The following PWWP2A variants were observed in gnomAD, a reference collection of about 807,000 sequenced individuals.
PWWP2A encodes the protein PWWP domain-containing protein 2A.
PWWP2A carries 18 observed loss-of-function variants against 48.5 expected under a neutral mutation model. That is an observed-to-expected ratio of 0.37 (90% confidence interval 0.26 to 0.55). The LOEUF is 0.55. Ranked by LOEUF, PWWP2A falls within the 20% of genes least tolerant of loss-of-function variation. PWWP2A has a pLI of 0.81. For missense variants in PWWP2A, 867 were observed against 976.4 expected (o/e 0.89, Z 1.49); for synonymous variants, 396 against 387.7 (o/e 1.02, Z -0.25).
At chr5:160,116,561 T>C (rs751570828) in intron 1 of PWWP2A, 28 of 433,710 alleles carry the variant, frequency 6.5e-5, no homozygotes, top group Admixed American at 3.2e-4. Context: ...ACAAAAGAAA[T>C]TGCTGTTTCT....
the PWWP2A span, chr5:160,051,139 A>G: frequency 6.2e-7 from 1 of 1,608,878 alleles, no homozygotes; most frequent in South Asian, 1.1e-5. Flanking sequence ...AGATTACCTA[A>G]GCAAATTGAA....
exon 5 of PWWP2A, chr5:160,063,584 C>G (rs914984016): frequency 2.0e-5 from 3 of 152,238 alleles, no homozygotes; most frequent in African/African-American, 7.2e-5. Context: ...GTGAGAAAAG[C>G]TGCTAAGAAG....
the PWWP2A span, among the ~76,000 whole-genome samples, chr5:160,050,359 A>C: frequency 4.6e-5 from 7 of 152,086 alleles, no homozygotes. Flanking sequence ...AGGCAGGAGA[A>C]TCGCTTGAAC....
intron 1 of PWWP2A, among the ~76,000 whole-genome samples, chr5:160,105,420 C>G (rs1429058898): frequency 6.6e-6 from 1 of 151,572 alleles, no homozygotes. Flanking sequence ...CGCCTGTAGT[C>G]CCAGCTACTC....
chr5:160,097,702 TTTTTG>T (rs1056678632), intron 1 of PWWP2A, among the ~76,000 whole-genome samples: 5 of 87,638 alleles, frequency 5.7e-5, no homozygotes, highest in African/African-American at 2.5e-4. Context: ...AGAGGTTTTT[TTTTTG>T]GGGGGGGGGG....
the PWWP2A span, among the ~76,000 whole-genome samples, chr5:160,054,743 A>G: frequency 6.6e-6 from 1 of 152,330 alleles, no homozygotes; most frequent in East Asian, 1.9e-4. Context: ...TGAGGAACAT[A>G]AAGATTTGAA....
the PWWP2A span, among the ~76,000 whole-genome samples, chr5:160,050,415 C>T: frequency 6.6e-6 from 1 of 152,032 alleles, no homozygotes; most frequent in Non-Finnish European, 1.5e-5. Flanking sequence ...CCACTGCACT[C>T]CAGTCTGGGC....
downstream of PWWP2A, among the ~76,000 whole-genome samples, chr5:160,071,588 TCC>T (rs1753740095): frequency 6.6e-6 from 1 of 151,972 alleles, no homozygotes; most frequent in South Asian, 2.1e-4. Flanking sequence ...AGTCCAATAA[TCC>T]CCCAAGACCA....
At chr5:160,108,075 A>C (rs1262331612) in intron 1 of PWWP2A, among the ~76,000 whole-genome samples, 1 of 152,186 alleles carries the variant, frequency 6.6e-6, no homozygotes, top group African/African-American at 2.4e-5. Flanking sequence ...CATCTAGTGT[A>C]TAAAATATAT....
chr5:160,114,024 A>G (rs1335486165), intron 1 of PWWP2A, among the ~76,000 whole-genome samples: 1 of 152,240 alleles, frequency 6.6e-6, no homozygotes, highest in Non-Finnish European at 1.5e-5. Flanking sequence ...AAACTAAAGC[A>G]TGAGGTACAA....
chr5:160,117,596 G>T (rs1259161817), intron 1 of PWWP2A, among the ~76,000 whole-genome samples: 2 of 151,950 alleles, frequency 1.3e-5, no homozygotes, highest in Non-Finnish European at 2.9e-5. Context: ...GGCGGAGGTT[G>T]CAGTGAGACG....
At chr5:160,089,781 TACTCCC>T (rs1378096831), downstream of PWWP2A, 1 of 985,348 alleles carries the variant, frequency 1.0e-6, no homozygotes, top group Admixed American at 6.1e-5. Context: ...TAAGCCAGTT[TACTCCC>T]ACTCCAAGGG....
chr5:160,062,943 C>T (rs879217596), intron 5 of PWWP2A, among the ~76,000 whole-genome samples: 8 of 152,198 alleles, frequency 5.3e-5, no homozygotes, highest in Admixed American at 6.5e-5. Context: ...CCTCCCTCTA[C>T]GCCCATGTGC....
At chr5:160,073,143 T>C (rs983780890), downstream of PWWP2A, among the ~76,000 whole-genome samples, 1 of 152,098 alleles carries the variant, frequency 6.6e-6, no homozygotes, top group African/African-American at 2.4e-5. Context: ...GTGACTTTGC[T>C]GTCAAAGGTC....
At chr5:160,045,520 A>ACACACACACACTCTCTCTCT in the PWWP2A span, among the ~76,000 whole-genome samples, 2 of 54,884 alleles carry the variant, frequency 3.6e-5, no homozygotes, top group Admixed American at 2.3e-4. Context: ...ACACATACAC[A>ACACACACACACTCTCTCTCT]CTCTCTCTCT....
At chr5:160,109,979 T>A (rs1325581881) in intron 1 of PWWP2A, among the ~76,000 whole-genome samples, 1 of 150,964 alleles carries the variant, frequency 6.6e-6, no homozygotes, top group Non-Finnish European at 1.5e-5. Context: ...GGATCCTAAT[T>A]TGAAAACTGA....
Position 160,078,304 on chromosome 5 carries a change from C to CCTG in PWWP2A, c.1670-137_1670-136insCAG. On this transcript the variant is annotated intron_variant, in intron 3 of 3. Transcript: ENST00000456329. This position sits in a 1 kb window ranked among gnomAD's most constrained non-coding sequence, Gnocchi z 4.2. ...ATTTTTTCTTTTAAATCGGTTAAAC[C>CCTG]TGACCGATGTTGTTTTGAGAAAACA... 1.5e-6 allele frequency: 1 copy of CCTG among 671,782 alleles called. No individual in the cohort carries two copies. The highest frequency in any genetic ancestry group is 2.6e-6 in the Non-Finnish European group (1 of 383,154). The allele number at this position is 671,782 out of a possible 1,614,324, so 41.6% of individuals were successfully genotyped here.
downstream of PWWP2A, among the ~76,000 whole-genome samples, chr5:160,074,478 T>C (rs894973863): frequency 1.4e-5 from 2 of 147,260 alleles, no homozygotes; most frequent in African/African-American, 5.0e-5. Flanking sequence ...CCAGGCACAG[T>C]TGTTCACGCT....
intron 1 of PWWP2A, among the ~76,000 whole-genome samples, chr5:160,110,021 TTTTTTTTTTC>T (rs1254459098): frequency 1.4e-5 from 2 of 147,366 alleles, no homozygotes; most frequent in Non-Finnish European, 3.0e-5. Context: ...TGACAGTCCT[TTTTTTTTTTC>T]TTTTTTTGAG....
Sources: allele counts gnomAD v4.1 joint callset (sites outside exome capture counted in the v4.1 genomes callset), GRCh38; gene constraint gnomAD v4.1.1; non-coding constraint Gnocchi (gnomAD v3.1); transcripts MANE v1.5; gene names NCBI Gene and HGNC (gene_info 2026-07-23, HGNC 2026-07-21).